Variants in ADSL observed in about 807,000 individuals in gnomAD.
The protein encoded by ADSL is adenylosuccinate lyase.
ADSL carries 44 observed loss-of-function variants against 62.1 expected under a neutral mutation model. The observed-to-expected ratio is 0.71, with a 90% CI of 0.56 to 0.91. ADSL has a LOEUF of 0.91. ADSL is among the 40% of genes least tolerant of loss of function. The pLI, the probability that ADSL is intolerant of heterozygous loss-of-function variation, is 0.00. For synonymous variants in ADSL, 198 were observed against 220.5 expected, an observed-to-expected ratio of 0.90 and a Z score of 0.90; for missense variants, 531 against 627.4, an observed-to-expected ratio of 0.85 and a Z score of 1.64.
intron 2 of ADSL, among the ~76,000 whole-genome samples, chr22:40,386,779 A>G (rs1179285150): frequency 6.6e-6 from 1 of 151,904 alleles, no homozygotes; most frequent in South Asian, 2.1e-4. Flanking sequence ...TTCTAACTCT[A>G]TAATTCATGA....
chr22:40,365,791 C>T (rs1166649651), intron 12 of ADSL, among the ~76,000 whole-genome samples: 4 of 151,782 alleles, frequency 2.6e-5, no homozygotes, highest in Non-Finnish European at 5.9e-5. Context: ...ATAGCTTGAG[C>T]CTAGGAGGTC....
intron 1 of ADSL, among the ~76,000 whole-genome samples, chr22:40,347,833 A>C (rs1173426027): frequency 2.0e-5 from 3 of 152,224 alleles, no homozygotes; most frequent in African/African-American, 2.4e-5. Context: ...GCATCAACTT[A>C]ATAAACTCTT....
intron 2 of ADSL, among the ~76,000 whole-genome samples, chr22:40,351,107 A>G (rs570141306): frequency 4.2e-4 from 63 of 151,580 alleles, no homozygotes; most frequent in African/African-American, 1.5e-3. Context: ...TGATTCTCCC[A>G]CCTCGGGCTC....
rs1359908681 is a variant in ADSL, at chr22:40,359,016, T to C, written c.635T>C (p.Phe212Ser). 2.5e-6 allele frequency: 4 copies of C among 1,614,090 alleles called. No individual in the cohort carries two copies. The highest frequency in any genetic ancestry group is 3.4e-6 in the Non-Finnish European group (4 of 1,180,016). Residue 212 changes from phenylalanine to serine, a missense_variant, in exon 5 of 13, where the codon TTT (phenylalanine) becomes TCT (serine). Around this residue, in one of 2 missense-constraint regions of ADSL, gnomAD observed 471 missense variants for 592.9 expected, o/e 0.79. Transcript: ENST00000623063. ...ACTCAGGCCAGTTTCCTGCAGCTCTTTGAGGGAGATGACCATAAGGTATTC... is the reference window on the plus strand; with the variant it reads ...ACTCAGGCCAGTTTCCTGCAGCTCTCTGAGGGAGATGACCATAAGGTATTC... ...TGTQASFLQL[F>S]EGDDHKVEQL...
intron 12 of ADSL, among the ~76,000 whole-genome samples, chr22:40,365,258 G>A (rs1047115477): frequency 1.3e-5 from 2 of 152,114 alleles, no homozygotes; most frequent in Admixed American, 6.5e-5. Flanking sequence ...CCAGGCTGGA[G>A]TGCAGTGGTG....
At position 40,362,986 on chromosome 22, in the gene ADSL, T is replaced by A. The variant is rs772974251; in HGVS notation, c.1016T>A (p.Ile339Asn). ...RTLDDSANRR[I>N]CLAEAFLTAD... ...AATGGCTATTTGTTTTCTAGACGGA[T>A]CTGTTTGGCCGAGGCATTTCTTACC... The change falls in exon 10 of 13, where the codon ATC becomes AAC. Residue 339 changes from isoleucine (I) to asparagine (N), a missense_variant. By Grantham distance (149) the Ile-to-Asn change is moderately radical. Around this residue, in one of 2 missense-constraint regions of ADSL, gnomAD observed 471 missense variants for 592.9 expected, o/e 0.79. Transcript: ENST00000623063. 107 of 1,613,536 alleles carry A rather than the reference T, an allele frequency of 6.6e-5. No individual in the cohort carries two copies. The highest frequency in any genetic ancestry group is 8.8e-5 in the Non-Finnish European group (104 of 1,179,512).
At chr22:40,362,241 T>G (rs1044087627) in intron 9 of ADSL, among the ~76,000 whole-genome samples, 2 of 152,248 alleles carry the variant, frequency 1.3e-5, no homozygotes, top group African/African-American at 4.8e-5. Flanking sequence ...TTGGCATTAC[T>G]CTCGCCTGCT....
At chr22:40,380,452 C>T (rs547749708) in intron 2 of ADSL, among the ~76,000 whole-genome samples, 15 of 151,464 alleles carry the variant, frequency 9.9e-5, no homozygotes, top group Non-Finnish European at 1.5e-4. Context: ...CTGTAACCTC[C>T]GCCTCCCGGG....
At chr22:40,364,691 G>T in intron 11 of ADSL, 189 bp from the exon 12 acceptor site, 1 of 671,960 alleles carries the variant, frequency 1.5e-6, no homozygotes, top group Admixed American at 2.3e-5. Context: ...ATCCATTTCA[G>T]GCTTGTCCTA....
intron 4 of ADSL, among the ~76,000 whole-genome samples, chr22:40,356,690 A>C (rs1033504473): frequency 6.6e-6 from 1 of 151,560 alleles, no homozygotes; most frequent in Non-Finnish European, 1.5e-5. Context: ...TAAAAAAAAT[A>C]AAGTTAGCCA....
At chr22:40,386,403 G>T (rs2048448598) in intron 2 of ADSL, among the ~76,000 whole-genome samples, 1 of 152,054 alleles carries the variant, frequency 6.6e-6, no homozygotes, top group South Asian at 2.1e-4. Context: ...TGGGATTTCT[G>T]TTGGTAATGA....
In ADSL at chr22:40,346,608, T is replaced by C. The variant is rs1226271430; in HGVS notation, c.50T>C (p.Leu17Pro). 6.2e-7 allele frequency: 1 copy of C among 1,609,260 alleles called. No individual in the cohort carries two copies. The highest frequency in any genetic ancestry group is 1.3e-5 in the African/African-American group (1 of 75,008). The change falls in exon 1 of 13, where the codon CTT becomes CCT. Residue 17 changes from leucine to proline, a missense_variant. Physicochemically the swap from Leu to Pro is moderately conservative, Grantham distance 98. Transcript: ENST00000623063. Reference sequence around the variant, plus strand: ...TCGCCCGACAGCTACCGCTCACCTCTTGCCTCCCGCTATGCCAGCCCGGAG... The same window carrying C: ...TCGCCCGACAGCTACCGCTCACCTCCTGCCTCCCGCTATGCCAGCCCGGAG... Reference protein sequence around the residue: ...HGSPDSYRSPLASRYASPEMC... With the variant: ...HGSPDSYRSPPASRYASPEMC...
rs1423294460 is a variant in ADSL at position 40,366,847 on chromosome 22, T to C, written c.*325T>C. The C allele has an allele frequency of 2.9e-6, 1 of 340,020 alleles. No individual in the cohort carries two copies. The highest frequency in any genetic ancestry group is 2.1e-5 in the African/African-American group (1 of 46,790). 21.1% of individuals were successfully genotyped at this position (340,020 alleles called of 1,614,324 possible). A position where few individuals can be genotyped will look rare whatever the true frequency, so the allele number is the denominator to read the frequency against. On this transcript the variant is annotated 3_prime_UTR_variant, in exon 13 of 13. Coordinates refer to ENST00000623063, the MANE Select transcript of ADSL (RefSeq NM_000026.4). ...GTAGCAAGAAATTTCTGGTCCTGTCTTCTAAAAGTGAATTTGATCTAGGTC... is the reference window on the plus strand; with the variant it reads ...GTAGCAAGAAATTTCTGGTCCTGTCCTCTAAAAGTGAATTTGATCTAGGTC...
intron 11 of ADSL, 160 bp downstream of exon 11, chr22:40,364,525 T>C: frequency 1.3e-6 from 1 of 743,100 alleles, no homozygotes; most frequent in Non-Finnish European, 2.3e-6. Flanking sequence ...GAGGGTGATT[T>C]TGGTGAACTG....
At chr22:40,362,890 T>C (rs1043314056) in intron 9 of ADSL, 91 bp from the exon 10 acceptor site, 1 of 1,160,676 alleles carries the variant, frequency 8.6e-7, no homozygotes, top group Admixed American at 1.7e-5. Context: ...ATCCAGAGAG[T>C]ACAGTCAGTA....
intron 11 of ADSL, chr22:40,364,625 G>A: frequency 1.6e-6 from 1 of 626,746 alleles, no homozygotes; most frequent in African/African-American, 1.8e-5. Context: ...GAAATGAGCA[G>A]GAAACGAGCA....
intron 3 of ADSL, 153 bp from the exon 4 acceptor site, chr22:40,354,095 C>A: frequency 1.3e-6 from 1 of 765,212 alleles, no homozygotes; most frequent in African/African-American, 1.7e-5. Flanking sequence ...CTCTTCCAGG[C>A]ACTTTAGGGT....
intron 11 of ADSL, 98 bp downstream of exon 11, chr22:40,364,463 AC>A (rs2044923569): frequency 3.0e-6 from 3 of 1,015,206 alleles, no homozygotes; most frequent in Non-Finnish European, 4.5e-6. Context: ...TTATGTCATT[AC>A]CTTCAGTCAC....
intron 12 of ADSL, among the ~76,000 whole-genome samples, chr22:40,365,338 T>C (rs2044962055): frequency 6.6e-6 from 1 of 152,184 alleles, no homozygotes; most frequent in Admixed American, 6.5e-5. Context: ...TGTTTTGAGC[T>C]GCCTTTATTT....
Sources: allele counts gnomAD v4.1 joint callset (sites outside exome capture counted in the v4.1 genomes callset), GRCh38; gene constraint gnomAD v4.1.1; regional missense constraint gnomAD v4.1.1; transcripts MANE v1.5; gene names NCBI Gene and HGNC (gene_info 2026-07-23, HGNC 2026-07-21).